The following PPP1R3E variants were observed in gnomAD, a reference collection of about 807,000 sequenced individuals.
PPP1R3E encodes the protein protein phosphatase 1 regulatory subunit 3E, also known as protein phosphatase 1, regulatory (inhibitor) subunit 3E.
A neutral mutation model predicts 18.5 loss-of-function variants in PPP1R3E; 20 were observed. The observed-to-expected ratio is 1.08, with a 90% confidence interval of 0.76 to 1.58. The LOEUF (loss-of-function observed/expected upper bound fraction) is 1.58. Ranked by LOEUF, PPP1R3E falls within the 40% of genes most tolerant of loss-of-function variation. PPP1R3E has a pLI of 0.00. For missense variants in PPP1R3E, 498 were observed against 460.2 expected (o/e 1.08, Z -0.75); for synonymous variants, 208 against 208.1 (o/e 1.00, Z 0.00).
chr14:23,299,918 T>TTTG (rs1886980384), intron 3 of PPP1R3E, among the ~76,000 whole-genome samples: 1 of 96,526 alleles, frequency 1.0e-5, no homozygotes, highest in African/African-American at 4.8e-5. Flanking sequence ...TTGGTGTTTT[T>TTTG]TTGTTTTTGT....
In PPP1R3E at chr14:23,296,318, C is replaced by T. The variant is rs554948393; in HGVS notation, c.*2986G>A. The T allele has an allele frequency of 1.1e-4, 16 of 152,146 alleles. No individual in the cohort carries two copies. Among genetic ancestry groups the T allele is most frequent in the African/African-American group, 3.9e-4 (16 of 41,512 alleles). The allele number at this position is 152,146 out of a possible 1,614,324, so 9.4% of individuals were successfully genotyped here. A position where few individuals can be genotyped will look rare whatever the true frequency, so the allele number is the denominator to read the frequency against. The stretch of plus-strand genomic sequence containing the variant: ...GAAAATGAAACATTTCTGATGTTAT[C>T]CCTTGCCATGAAGAATCACGGGCTT... On this transcript the variant is annotated 3_prime_UTR_variant, in exon 5 of 5. Transcript: ENST00000452015.
In PPP1R3E at chr14:23,302,223, G is replaced by C; in HGVS notation, c.354C>G (p.Ile118Met). ...ELPRVPRHVQ[I>M]QLQRDALRHF... ...GGCGGAGGGCGTCCCTCTGCAATTGGATCTGCACGTGGCGGGGCACCCGGG... is the reference window on the plus strand; with the variant it reads ...GGCGGAGGGCGTCCCTCTGCAATTGCATCTGCACGTGGCGGGGCACCCGGG... Residue 118 changes from isoleucine to methionine, a missense_variant, in exon 1 of 5, where the codon ATC becomes ATG. By Grantham distance (10) the Ile-to-Met change is conservative. Coordinates refer to ENST00000452015, the MANE Select transcript of PPP1R3E (RefSeq NM_001276318.2). 1.3e-6 allele frequency: 2 copies of C among 1,503,114 alleles called. No homozygotes were observed. The highest frequency in any genetic ancestry group is 1.8e-6 in the Non-Finnish European group (2 of 1,134,174). The allele number at this position is 1,503,114 out of a possible 1,614,324, so 93.1% of individuals were successfully genotyped here.
chr14:23,299,933 T>TTTTG (rs1555325102), intron 3 of PPP1R3E, among the ~76,000 whole-genome samples: 15 of 108,490 alleles, frequency 1.4e-4, no homozygotes, highest in African/African-American at 5.7e-4. Flanking sequence ...TTTTGTTTTT[T>TTTTG]TTTTTTTTTT....
rs779717209 is a variant in PPP1R3E at position 23,302,517 on chromosome 14, C to T, written c.60G>A (p.Ala20=). 3 of 1,499,822 alleles carry T rather than the reference C, an allele frequency of 2.0e-6. No homozygotes were observed. The highest frequency in any genetic ancestry group is 2.9e-5 in the African/African-American group (2 of 68,998). 92.9% of individuals were successfully genotyped at this position (1,499,822 alleles called of 1,614,324 possible). A position where few individuals can be genotyped will look rare whatever the true frequency, so the allele number is the denominator to read the frequency against. The change falls in exon 1 of 5, where the codon GCG becomes GCA. Residue 20 remains alanine (A), a synonymous_variant. Coordinates refer to ENST00000452015, the MANE Select transcript of PPP1R3E (RefSeq NM_001276318.2). ...TACGGTAGTAGGCGCGCTCCGTTAG[C>T]GCGGCGATGAAGCTCAGGTTGCGGG... ...DIPRNLSFIA[A]LTERAYYRSQ... is the part of the protein sequence containing the mutation.
At position 23,302,284 on chromosome 14, in the gene PPP1R3E, A is replaced by G; in HGVS notation, c.293T>C (p.Leu98Pro). ...VRFADALGLE[L>P]AVVRRFRPGE... is the part of the protein sequence containing the mutation. ...GGGACGGAAGCGGCGCACGACAGCC[A>G]GCTCCAACCCCAGTGCGTCGGCGAA... The change falls in exon 1 of 5, where the codon CTG (leucine) becomes CCG (proline). Residue 98 changes from leucine to proline, a missense_variant. Transcript: ENST00000452015. The G allele has an allele frequency of 6.6e-7, 1 of 1,521,856 alleles. No homozygotes were observed. The highest frequency in any genetic ancestry group is 1.2e-5 in the South Asian group (1 of 82,648). The allele number at this position is 1,521,856 out of a possible 1,614,324, so 94.3% of individuals were successfully genotyped here. A position where few individuals can be genotyped will look rare whatever the true frequency, so the allele number is the denominator to read the frequency against.
At position 23,301,358 on chromosome 14, in the gene PPP1R3E, A is replaced by G; in HGVS notation, c.*78T>C. ...GCTCCCGCCAATCCTGGTCTCTCCT[A>G]CTCCTCCCCGCCACATCGGGTCGCC... On this transcript the variant is annotated 3_prime_UTR_variant, in exon 2 of 5. Transcript: ENST00000452015. 7.9e-7 allele frequency: 1 copy of G among 1,260,114 alleles called. No individual in the cohort carries two copies. The highest frequency in any genetic ancestry group is 1.0e-6 in the Non-Finnish European group (1 of 1,002,376). The allele number at this position is 1,260,114 out of a possible 1,614,324, so 78.1% of individuals were successfully genotyped here. A position where few individuals can be genotyped will look rare whatever the true frequency, so the allele number is the denominator to read the frequency against.
chr14:23,302,001 G>T (rs1887058734), intron 1 of PPP1R3E, 143 bp from the exon 2 acceptor site: 1 of 1,242,918 alleles, frequency 8.0e-7, no homozygotes, highest in Non-Finnish European at 1.1e-6. Context: ...CTGCCAGGGT[G>T]GCCTAGAGCC....
chr14:23,301,694 G>A lies in PPP1R3E; in HGVS notation c.582C>T (p.Ser194=), dbSNP rs1233565419. Residue 194 remains serine, a synonymous_variant, in exon 2 of 5, where the codon AGC becomes AGT. Coordinates refer to ENST00000452015, the MANE Select transcript of PPP1R3E (RefSeq NM_001276318.2). ...CGCGTTGGCTCCGCCAGCCGTCGGCGCTCCAGCGCACGCTCACGCGCTTCT... is the reference window on the plus strand; with the variant it reads ...CGCGTTGGCTCCGCCAGCCGTCGGCACTCCAGCGCACGCTCACGCGCTTCT... ...AYEKRVSVRW[S]ADGWRSQREA... 9 of 1,348,418 alleles carry A rather than the reference G, an allele frequency of 6.7e-6. No individual in the cohort carries two copies. Among genetic ancestry groups the A allele is most frequent in the African/African-American group, 1.5e-5 (1 of 65,352 alleles). 83.5% of individuals were successfully genotyped at this position (1,348,418 alleles called of 1,614,324 possible).
Position 23,301,777 on chromosome 14 carries a change from C to A in PPP1R3E, c.499G>T (p.Ala167Ser). Residue 167 changes from alanine (A) to serine (S), a missense_variant, in exon 2 of 5, where the codon GCC becomes TCC. Coordinates refer to ENST00000452015, the MANE Select transcript of PPP1R3E (RefSeq NM_001276318.2). ...GCCACGCCCAGCGGGCCCGCCTCGG[C>A]GCGTTCCAGGCAGATGCGCTGCGTC... ...LLTQRICLER[A>S]EAGPLGVAGS... is the part of the protein sequence containing the mutation. 6.9e-7 allele frequency: 1 copy of A among 1,441,696 alleles called. No homozygotes were observed. Among genetic ancestry groups the A allele is most frequent in the Non-Finnish European group, 9.1e-7 (1 of 1,102,610 alleles). The allele number at this position is 1,441,696 out of a possible 1,614,324, so 89.3% of individuals were successfully genotyped here.
Position 23,301,814 on chromosome 14 carries a change from G to A in PPP1R3E, c.462C>T (p.Ala154=), listed in dbSNP as rs1235000901. Residue 154 remains alanine (A), a synonymous_variant, in exon 2 of 5, where the codon GCC becomes GCT. Transcript: ENST00000452015. ...AGATGCGCTGCGTCAGCAAGCGGGC[G>A]GCGAAGCCGGGCTCGCTGGCCGGCT... is the stretch of plus-strand genomic sequence containing the variant. ...ALEPASEPGF[A]ARLLTQRICL... is the part of the protein sequence containing the mutation. The A allele has an allele frequency of 2.7e-6, 4 of 1,471,300 alleles. No homozygotes were observed. Among genetic ancestry groups the A allele is most frequent in the East Asian group, 3.0e-5 (1 of 33,506 alleles). 91.1% of individuals were successfully genotyped at this position (1,471,300 alleles called of 1,614,324 possible).
chr14:23,301,508 ATAG>A lies in PPP1R3E; in HGVS notation c.765_767del (p.Tyr256del). 6.7e-7 allele frequency: 1 copy of A among 1,496,926 alleles called. No homozygotes were observed. The highest frequency in any genetic ancestry group is 1.2e-5 in the South Asian group (1 of 80,688). The allele number at this position is 1,496,926 out of a possible 1,614,324, so 92.7% of individuals were successfully genotyped here. A position where few individuals can be genotyped will look rare whatever the true frequency, so the allele number is the denominator to read the frequency against. ...CCGGGTGCTCGGGCCCACGTAGAGC[ATAG>A]TCACGGCCGCCGTTGTTGTCCCAGA... is the stretch of plus-strand genomic sequence containing the variant. On this transcript the variant is annotated inframe_deletion, in exon 2 of 5. Transcript: ENST00000452015.
chr14:23,299,244 G>A (rs1251899833), intron 4 of PPP1R3E, among the ~76,000 whole-genome samples, 157 bp downstream of exon 4: 4 of 152,140 alleles, frequency 2.6e-5, no homozygotes, highest in Non-Finnish European at 4.4e-5. Context: ...GGGATTACAG[G>A]AATGAACTAC....
Position 23,302,397 on chromosome 14 carries a change from C to A in PPP1R3E, c.180G>T (p.Arg60=), listed in dbSNP as rs756815801. ...GARSRAHAPS[R]GRRARSAPAG... is the part of the protein sequence containing the mutation. ...CTGGTGCAGATCGGGCCCGGCGGCC[C>A]CGACTCGGTGCGTGAGCGCGGGATC... is the stretch of plus-strand genomic sequence containing the variant. Residue 60 remains arginine, a synonymous_variant, in exon 1 of 5, where the codon CGG becomes CGT. Transcript: ENST00000452015. 7 of 1,488,482 alleles carry A rather than the reference C, an allele frequency of 4.7e-6. No individual in the cohort carries two copies. In the South Asian group the frequency reaches 9.0e-5, roughly 19 times the overall value. 92.2% of individuals were successfully genotyped at this position (1,488,482 alleles called of 1,614,324 possible).
Position 23,298,551 on chromosome 14 carries a change from G to C in PPP1R3E, c.*753C>G, listed in dbSNP as rs1251399701. The stretch of plus-strand genomic sequence containing the variant: ...ATTTTATGATCGAGTCATAGTTCTG[G>C]AAAGGAAGAAAAACCCAGATTTGCG... On this transcript the variant is annotated 3_prime_UTR_variant, in exon 5 of 5. Coordinates refer to ENST00000452015, the MANE Select transcript of PPP1R3E (RefSeq NM_001276318.2). 1 of 154,236 alleles carries C rather than the reference G, an allele frequency of 6.5e-6. No individual in the cohort carries two copies. Among genetic ancestry groups the C allele is most frequent in the East Asian group, 1.9e-4 (1 of 5,198 alleles). The allele number at this position is 154,236 out of a possible 1,614,324, so 9.6% of individuals were successfully genotyped here. A position where few individuals can be genotyped will look rare whatever the true frequency, so the allele number is the denominator to read the frequency against.
In PPP1R3E at chr14:23,302,283, C is replaced by T. The variant is rs1322318060; in HGVS notation, c.294G>A (p.Leu98=). 5 of 1,521,958 alleles carry T rather than the reference C, an allele frequency of 3.3e-6. No individual in the cohort carries two copies. Among genetic ancestry groups the T allele is most frequent in the South Asian group, 2.4e-5 (2 of 82,664 alleles). 94.3% of individuals were successfully genotyped at this position (1,521,958 alleles called of 1,614,324 possible). ...VRFADALGLE[L]AVVRRFRPGE... is the part of the protein sequence containing the mutation. ...CGGGACGGAAGCGGCGCACGACAGC[C>T]AGCTCCAACCCCAGTGCGTCGGCGA... The change falls in exon 1 of 5, where the codon CTG becomes CTA. Residue 98 remains leucine, a synonymous_variant. Transcript: ENST00000452015.
In PPP1R3E at chr14:23,301,636, GCGGGGC is replaced by G; in HGVS notation, c.634_639del (p.Ala212_Pro213del). On this transcript the variant is annotated inframe_deletion, in exon 2 of 5. Coordinates refer to ENST00000452015, the MANE Select transcript of PPP1R3E (RefSeq NM_001276318.2). ...GCGAAGCGGTCGGCGCGCGGCGGGG[GCGGGGC>G]CGGACCGGCGTAGGCGGCTGGCGCC... The G allele has an allele frequency of 2.2e-6, 3 of 1,367,556 alleles. No individual in the cohort carries two copies. Among genetic ancestry groups the G allele is most frequent in the Non-Finnish European group, 2.8e-6 (3 of 1,063,446 alleles). The allele number at this position is 1,367,556 out of a possible 1,614,324, so 84.7% of individuals were successfully genotyped here. A position where few individuals can be genotyped will look rare whatever the true frequency, so the allele number is the denominator to read the frequency against.
rs1269338744 is a variant in PPP1R3E at position 23,301,810 on chromosome 14, G to T, written c.466C>A (p.Arg156Ser). The change falls in exon 2 of 5, where the codon CGC (arginine) becomes AGC (serine). Residue 156 changes from arginine (R) to serine (S), a missense_variant. Transcript: ENST00000452015. ...EPASEPGFAA[R>S]LLTQRICLER... ...AGGCAGATGCGCTGCGTCAGCAAGC[G>T]GGCGGCGAAGCCGGGCTCGCTGGCC... 6.8e-7 allele frequency: 1 copy of T among 1,471,840 alleles called. No individual in the cohort carries two copies. The allele number at this position is 1,471,840 out of a possible 1,614,324, so 91.2% of individuals were successfully genotyped here.
In PPP1R3E at chr14:23,301,835, C is replaced by A. The variant is rs1238358909; in HGVS notation, c.441G>T (p.Pro147=). The change falls in exon 2 of 5, where the codon CCG becomes CCT. Residue 147 remains proline (P), a synonymous_variant. Transcript: ENST00000452015. The stretch of plus-strand genomic sequence containing the variant: ...GGGCGGCGAAGCCGGGCTCGCTGGC[C>A]GGCTCCAGGGCGGCGCGCGCCTCCT... ...GLQEARAALE[P]ASEPGFAARL... is the part of the protein sequence containing the mutation. 6.1e-6 allele frequency: 9 copies of A among 1,468,774 alleles called. No individual in the cohort carries two copies. The Admixed American group carries it at 1.7e-4, about 28-fold the overall frequency. The allele number at this position is 1,468,774 out of a possible 1,614,324, so 91.0% of individuals were successfully genotyped here. A position where few individuals can be genotyped will look rare whatever the true frequency, so the allele number is the denominator to read the frequency against.
At position 23,301,390 on chromosome 14, in the gene PPP1R3E, C is replaced by G. The variant is rs1887029566; in HGVS notation, c.*46G>C. 6 of 1,322,642 alleles carry G rather than the reference C, an allele frequency of 4.5e-6. No homozygotes were observed. In the East Asian group the frequency reaches 1.5e-4, roughly 34 times the overall value. The allele number at this position is 1,322,642 out of a possible 1,614,324, so 81.9% of individuals were successfully genotyped here. ...CCCGCCACATCGGGTCGCCCCGCCCCCGGGTGCCTTTGGTGTTTTCCGCCG... is the reference window on the plus strand; with the variant it reads ...CCCGCCACATCGGGTCGCCCCGCCCGCGGGTGCCTTTGGTGTTTTCCGCCG... On this transcript the variant is annotated 3_prime_UTR_variant, in exon 2 of 5. Transcript: ENST00000452015.
Sources: allele counts gnomAD v4.1 joint callset (sites outside exome capture counted in the v4.1 genomes callset), GRCh38; gene constraint gnomAD v4.1.1; transcripts MANE v1.5; gene names NCBI Gene and HGNC (gene_info 2026-07-23, HGNC 2026-07-21).